Variants in PDS5A observed in about 807,000 individuals in gnomAD.
PDS5A encodes PDS5 cohesin associated factor A.
A neutral mutation model predicts 167.1 loss-of-function variants in PDS5A; 42 were observed. The ratio of observed to expected loss-of-function variants is 0.25; its 90% confidence interval spans 0.20 to 0.33. The LOEUF is 0.33. Ranked by LOEUF, PDS5A falls within the 10% of genes least tolerant of loss-of-function variation. The pLI is 1.00. For synonymous variants in PDS5A, 553 were observed against 554.6 expected (o/e 1.00, Z 0.04); for missense variants, 1,033 against 1,605.9 (o/e 0.64, Z 6.10).
chr4:39,961,605 G>C (rs1475526848), intron 2 of PDS5A, among the ~76,000 whole-genome samples: 1 of 152,088 alleles, frequency 6.6e-6, no homozygotes, highest in Non-Finnish European at 1.5e-5. Context: ...TTTTGCCCAA[G>C]CTGGTCTGGA....
At chr4:39,844,047 T>A (rs557607480) in intron 30 of PDS5A, among the ~76,000 whole-genome samples, 19 of 151,812 alleles carry the variant, frequency 1.3e-4, no homozygotes, top group Non-Finnish European at 2.1e-4. Flanking sequence ...CTACTTGGGA[T>A]GCTGAAGCGA....
chr4:39,876,893 T>G lies in PDS5A; in HGVS notation c.2153+100A>C. ...AGTAGCTTCTAAATCAAAGTTGTCT[T>G]TCTTCCCTCCTATCTTCCTACACAG... On this transcript the variant is annotated intron_variant, in intron 19 of 32. Transcript: ENST00000303538. The G allele has an allele frequency of 3.5e-6, 3 of 848,030 alleles. No homozygotes were observed. In the South Asian group the frequency reaches 6.4e-5, roughly 18 times the overall value. The allele number at this position is 848,030 out of a possible 1,614,324, so 52.5% of individuals were successfully genotyped here.
rs373483596 is a variant in PDS5A at position 39,920,349 on chromosome 4, T to C, written c.705A>G (p.Thr235=). 8.4e-6 allele frequency: 13 copies of C among 1,550,488 alleles called. No homozygotes were observed. The African/African-American group carries it at 1.8e-4, about 21-fold the overall frequency. Reference sequence around the variant, plus strand: ...CAATGCATGCCTCAATAGTCTGGACTGTTCTTTTCAATAGCACTTTTGCAA... The same window carrying C: ...CAATGCATGCCTCAATAGTCTGGACCGTTCTTTTCAATAGCACTTTTGCAA... ...FDLAKVLLKR[T]VQTIEACIAN... The change falls in exon 7 of 33, where the codon ACA becomes ACG. Residue 235 remains threonine, a synonymous_variant. Coordinates refer to ENST00000303538, the MANE Select transcript of PDS5A (RefSeq NM_001100399.2).
chr4:39,884,655 G>A (rs904637586), intron 17 of PDS5A, among the ~76,000 whole-genome samples: 1 of 151,822 alleles, frequency 6.6e-6, no homozygotes, highest in Non-Finnish European at 1.5e-5. Flanking sequence ...TTTGGTTTCT[G>A]TGATAACACT....
At chr4:39,829,318 A>G (rs1715599396) in intron 32 of PDS5A, among the ~76,000 whole-genome samples, 1 of 152,154 alleles carries the variant, frequency 6.6e-6, no homozygotes, top group Non-Finnish European at 1.5e-5. Flanking sequence ...AATAGTTGGC[A>G]CTTTCAGGAT....
intron 2 of PDS5A, among the ~76,000 whole-genome samples, chr4:39,947,216 G>C (rs187448440): frequency 4.2e-4 from 64 of 152,244 alleles, no homozygotes; most frequent in African/African-American, 1.5e-3. Flanking sequence ...CAATTTGGGA[G>C]GGTGATGCTG....
intron 23 of PDS5A, among the ~76,000 whole-genome samples, chr4:39,866,608 A>G (rs1392894703): frequency 3.9e-5 from 6 of 152,214 alleles, no homozygotes; most frequent in Admixed American, 2.0e-4. Context: ...GCTAACTGTA[A>G]TAGTACAATA....
At chr4:39,879,584 C>T in intron 18 of PDS5A, 144 bp downstream of exon 18, 1 of 521,622 alleles carries the variant, frequency 1.9e-6, no homozygotes, top group South Asian at 3.3e-5. Flanking sequence ...AAAAACATTA[C>T]TTTTACATCA....
At chr4:39,957,700 G>A (rs372224551) in intron 2 of PDS5A, among the ~76,000 whole-genome samples, 10 of 150,270 alleles carry the variant, frequency 6.7e-5, no homozygotes, top group Admixed American at 4.7e-4. Flanking sequence ...GCAGGAGAAT[G>A]GCATGAACCC....
intron 13 of PDS5A, among the ~76,000 whole-genome samples, chr4:39,901,505 A>G (rs1468851371): frequency 6.6e-6 from 1 of 151,878 alleles, no homozygotes; most frequent in Non-Finnish European, 1.5e-5. Context: ...CCTAACCTCA[A>G]ATTATCTGCC....
chr4:39,935,914 C>G (rs967635250), intron 2 of PDS5A, among the ~76,000 whole-genome samples: 9 of 152,150 alleles, frequency 5.9e-5, no homozygotes, highest in Admixed American at 3.9e-4. Flanking sequence ...AATACAAGTA[C>G]GTGTTCCTAA....
intron 23 of PDS5A, among the ~76,000 whole-genome samples, chr4:39,864,368 C>T (rs978707779): frequency 5.3e-5 from 8 of 152,024 alleles, no homozygotes; most frequent in African/African-American, 1.9e-4. Flanking sequence ...GGTACTAGTT[C>T]CTGGGGCTGA....
At chr4:39,848,215 T>C (rs1307968409) in intron 28 of PDS5A, 2 of 153,250 alleles carry the variant, frequency 1.3e-5, no homozygotes, top group Admixed American at 6.5e-5. Flanking sequence ...TATACATTTA[T>C]AGGAGAAAGT....
chr4:39,869,895 T>A (rs1288621755), intron 21 of PDS5A, among the ~76,000 whole-genome samples: 1 of 152,092 alleles, frequency 6.6e-6, no homozygotes, highest in East Asian at 1.9e-4. Flanking sequence ...TCACTTGAGG[T>A]CAGGAGTTTG....
At chr4:39,951,861 C>G (rs1728427608) in intron 2 of PDS5A, among the ~76,000 whole-genome samples, 1 of 142,018 alleles carries the variant, frequency 7.0e-6, no homozygotes, top group African/African-American at 2.7e-5. Context: ...GATCGCGCCA[C>G]TGCACTCCAG....
chr4:39,879,622 T>C, intron 18 of PDS5A, 106 bp downstream of exon 18: 2 of 590,854 alleles, frequency 3.4e-6, no homozygotes, highest in East Asian at 2.7e-5. Context: ...GTTTTAAATC[T>C]TTCAAATAGT....
Position 39,823,529 on chromosome 4 carries a change from G to A in PDS5A, c.*1956C>T, listed in dbSNP as rs1715028824. 1 of 152,590 alleles carries A rather than the reference G, an allele frequency of 6.6e-6. No homozygotes were observed. Among genetic ancestry groups the A allele is most frequent in the Non-Finnish European group, 1.5e-5 (1 of 68,038 alleles). 9.5% of individuals were successfully genotyped at this position (152,590 alleles called of 1,614,324 possible). On this transcript the variant is annotated 3_prime_UTR_variant, in exon 33 of 33. Coordinates refer to ENST00000303538, the MANE Select transcript of PDS5A (RefSeq NM_001100399.2). ...AAAGGTCCCTATCAATGCACTTTTT[G>A]TTGGTGACACACTGGAAACCTTAGG...
chr4:39,954,438 C>G (rs1451689325), intron 2 of PDS5A, among the ~76,000 whole-genome samples: 2 of 151,960 alleles, frequency 1.3e-5, no homozygotes, highest in Non-Finnish European at 2.9e-5. Flanking sequence ...CCTGCCTCGG[C>G]CTCCTGAGTA....
intron 23 of PDS5A, among the ~76,000 whole-genome samples, chr4:39,864,207 TATC>T (rs1173945610): frequency 2.0e-5 from 3 of 152,090 alleles, no homozygotes; most frequent in African/African-American, 7.2e-5. Flanking sequence ...AAAAATCACC[TATC>T]ATCATTTAAA....
Sources: gnomAD v4.1 joint callset for allele counts (sites outside exome capture counted in the v4.1 genomes callset) on GRCh38, gnomAD v4.1.1 for gene constraint, MANE v1.5 for transcripts, NCBI Gene and HGNC (gene_info 2026-07-23, HGNC 2026-07-21) for gene names.